Variants in SEMA3C observed in about 807,000 individuals in gnomAD.
The protein encoded by SEMA3C is semaphorin 3C, also known as semaphorin-3C.
A neutral mutation model predicts 89.4 loss-of-function variants in SEMA3C; 47 were observed. The observed-to-expected ratio is 0.53, with a 90% confidence interval of 0.42 to 0.67. SEMA3C has a LOEUF of 0.67. SEMA3C is among the 30% of genes least tolerant of loss of function. The pLI is 0.00. For synonymous variants in SEMA3C, 310 were observed against 320.2 expected (o/e 0.97, Z 0.34); for missense variants, 839 against 929.1 (o/e 0.90, Z 1.26).
chr7:80,808,586 A>G (rs1270210583), intron 6 of SEMA3C, among the ~76,000 whole-genome samples: 1 of 152,182 alleles, frequency 6.6e-6, no homozygotes, highest in Non-Finnish European at 1.5e-5. Flanking sequence ...ATTTCCAGAT[A>G]TGAGAAAGAA....
At chr7:80,905,379 C>T (rs562793500) in intron 2 of SEMA3C, among the ~76,000 whole-genome samples, 1 of 149,320 alleles carries the variant, frequency 6.7e-6, no homozygotes, top group South Asian at 2.2e-4. Flanking sequence ...ACCACCACCA[C>T]AGACAGTTTA....
intron 2 of SEMA3C, among the ~76,000 whole-genome samples, chr7:80,842,140 T>C (rs569987586): frequency 7.9e-5 from 12 of 152,150 alleles, no homozygotes; most frequent in Non-Finnish European, 1.8e-4. Context: ...TACATAGTAA[T>C]AGAGCCACCC....
chr7:80,774,402 G>A (rs73137710), intron 12 of SEMA3C, among the ~76,000 whole-genome samples: 194 of 152,186 alleles, frequency 1.3e-3, no homozygotes, highest in Non-Finnish European at 2.4e-3. Context: ...CAGCATTAAA[G>A]CAGTTATTAT....
intron 1 of SEMA3C, among the ~76,000 whole-genome samples, chr7:80,917,512 T>C (rs1272029898): frequency 6.6e-6 from 1 of 152,194 alleles, no homozygotes; most frequent in Non-Finnish European, 1.5e-5. Flanking sequence ...AATGCATATT[T>C]TAAATAAATC....
rs750938637 is a variant in SEMA3C at position 80,744,975 on chromosome 7, C to G, written c.2175G>C (p.Met725Ile). The change falls in exon 18 of 18, where the codon ATG (methionine) becomes ATC (isoleucine). Residue 725 changes from methionine (M) to isoleucine (I), a missense_variant. Physicochemically the swap from Met to Ile is conservative, Grantham distance 10. Transcript: ENST00000265361. Reference protein sequence around the residue: ...QHQQGDESQKMRGDYGKLKAL... With the variant: ...QHQQGDESQKIRGDYGKLKAL... ...CCTTTAACTTGCCATAGTCCCCTCT[C>G]ATTTTCTGTGATTCATCTCCCTGCT... 11 of 1,614,024 alleles carry G rather than the reference C, an allele frequency of 6.8e-6. 1 individual carries two copies. In the South Asian group the frequency reaches 1.2e-4, roughly 18 times the overall value.
chr7:80,919,969 G>T (rs1278720396), upstream of SEMA3C, among the ~76,000 whole-genome samples: 1 of 152,104 alleles, frequency 6.6e-6, no homozygotes, highest in Non-Finnish European at 1.5e-5. Context: ...TGCCCTGAAA[G>T]CAGTAATTCT....
Position 80,863,832 on chromosome 7 carries a change from GATAT to G in SEMA3C, c.104-35091_104-35088del, listed in dbSNP as rs201166330. 6.9e-5 allele frequency among the ~76,000 whole-genome samples: 7 copies of G among 100,776 alleles called. 2 individuals are homozygous for G. The highest frequency in any genetic ancestry group is 3.7e-4 in the African/African-American group (7 of 18,998). 66.1% of individuals were successfully genotyped at this position (100,776 alleles called of 152,430 possible). ...TGTGATACATATATATGTGATATGTGATATATATATCACATATCACATACATATG... is the reference window on the plus strand; with the variant it reads ...TGTGATACATATATATGTGATATGTGATATATCACATATCACATACATATG... On this transcript the variant is annotated intron_variant, in intron 2 of 17. Transcript: ENST00000265361.
chr7:80,774,908 G>A (rs1463768726), intron 12 of SEMA3C, among the ~76,000 whole-genome samples: 1 of 151,962 alleles, frequency 6.6e-6, no homozygotes, highest in Non-Finnish European at 1.5e-5. Context: ...TCAAACCCTG[G>A]CATATTTTAT....
intron 2 of SEMA3C, among the ~76,000 whole-genome samples, chr7:80,914,292 TA>T (rs1251474171): frequency 4.6e-5 from 7 of 152,154 alleles, no homozygotes; most frequent in Admixed American, 4.6e-4. Context: ...GAGAATAAAC[TA>T]CTTTGGAGGA....
intron 12 of SEMA3C, among the ~76,000 whole-genome samples, chr7:80,779,528 C>A (rs1788643655): frequency 6.6e-6 from 1 of 152,092 alleles, no homozygotes; most frequent in South Asian, 2.1e-4. Flanking sequence ...TCATTTCTAA[C>A]CCCTGTCTTA....
intron 16 of SEMA3C, among the ~76,000 whole-genome samples, 178 bp downstream of exon 16, chr7:80,751,091 C>T (rs1056753467): frequency 6.6e-6 from 1 of 152,142 alleles, no homozygotes; most frequent in Non-Finnish European, 1.5e-5. Flanking sequence ...ACACGATTCT[C>T]AGTATACATA....
intron 16 of SEMA3C, among the ~76,000 whole-genome samples, chr7:80,749,312 T>G (rs573865392): frequency 6.6e-6 from 1 of 152,332 alleles, no homozygotes; most frequent in East Asian, 1.9e-4. Flanking sequence ...GTTCTTAATA[T>G]TACTTTGTTG....
chr7:80,822,390 A>C (rs1226874033), intron 4 of SEMA3C, among the ~76,000 whole-genome samples: 2 of 137,192 alleles, frequency 1.5e-5, no homozygotes, highest in African/African-American at 5.4e-5. Context: ...AAAAAAAATA[A>C]ATAAATAAAA....
intron 11 of SEMA3C, 86 bp downstream of exon 11, chr7:80,798,006 A>G (rs118132404): frequency 2.2e-6 from 3 of 1,374,384 alleles, no homozygotes; most frequent in Non-Finnish European, 3.0e-6. Flanking sequence ...TCAAAAAAAA[A>G]CCCCAAAAAA....
At chr7:80,831,888 G>A (rs1189464879) in intron 2 of SEMA3C, among the ~76,000 whole-genome samples, 1 of 152,134 alleles carries the variant, frequency 6.6e-6, no homozygotes, top group East Asian at 1.9e-4. Context: ...CTACTTTTGG[G>A]AGATCTGAAA....
chr7:80,864,239 G>T (rs1055007496), intron 2 of SEMA3C, among the ~76,000 whole-genome samples: 1 of 151,688 alleles, frequency 6.6e-6, no homozygotes, highest in Non-Finnish European at 1.5e-5. Flanking sequence ...TTGGGGACTT[G>T]GGGGGAAGAG....
intron 2 of SEMA3C, among the ~76,000 whole-genome samples, chr7:80,872,774 C>A (rs577834910): frequency 7.4e-6 from 1 of 134,886 alleles, no homozygotes. Context: ...GCACTCCAGC[C>A]TGGCAACAGA....
At chr7:80,864,017 C>T (rs185912447) in intron 2 of SEMA3C, among the ~76,000 whole-genome samples, 93 of 151,176 alleles carry the variant, frequency 6.2e-4, no homozygotes, top group African/African-American at 2.1e-3. Context: ...GCATGTATAT[C>T]ACATATATAT....
intron 2 of SEMA3C, among the ~76,000 whole-genome samples, chr7:80,890,090 A>C (rs1320663698): frequency 2.0e-5 from 3 of 152,190 alleles, no homozygotes; most frequent in African/African-American, 7.2e-5. Context: ...TTGTGGCTAA[A>C]AGGTCTATTG....
Sources: gnomAD v4.1 joint callset for allele counts (sites outside exome capture counted in the v4.1 genomes callset) on GRCh38, gnomAD v4.1.1 for gene constraint, MANE v1.5 for transcripts, NCBI Gene and HGNC (gene_info 2026-07-23, HGNC 2026-07-21) for gene names.